KCNN2: variants seen among roughly 807,000 people sequenced by gnomAD.
The protein encoded by KCNN2 is small conductance calcium-activated potassium channel protein 2.
A neutral mutation model predicts 55.5 loss-of-function variants in KCNN2; 24 were observed. The ratio of observed to expected loss-of-function variants is 0.43; its 90% CI spans 0.31 to 0.61. KCNN2 has a LOEUF of 0.61. Among genes scored for constraint, KCNN2 ranks in the 20% least tolerant of loss-of-function variants. KCNN2 has a pLI of 0.08. For missense variants in KCNN2, 754 were observed against 853.6 expected (o/e 0.88, Z 1.45); for synonymous variants, 431 against 336.1 (o/e 1.28, Z -3.09).
intron 1 of KCNN2, among the ~76,000 whole-genome samples, chr5:114,140,250 A>G (rs1229322936): frequency 6.6e-6 from 1 of 152,150 alleles, no homozygotes; most frequent in South Asian, 2.1e-4. Context: ...TATCTTTGAG[A>G]TTTTGCTGAC....
intron 2 of KCNN2, among the ~76,000 whole-genome samples, chr5:114,300,998 G>A (rs1756143491): frequency 1.3e-5 from 2 of 151,758 alleles, no homozygotes; most frequent in South Asian, 2.1e-4. Context: ...ATTATTTTTA[G>A]TAATAACTTT....
chr5:114,190,695 T>C (rs1376033798), intron 1 of KCNN2, among the ~76,000 whole-genome samples: 1 of 152,202 alleles, frequency 6.6e-6, no homozygotes, highest in Non-Finnish European at 1.5e-5. Flanking sequence ...TTAATGTTTG[T>C]GAATTCTGGA....
Position 114,294,062 on chromosome 5 carries a change from G to A in KCNN2, c.-184-66883G>A, listed in dbSNP as rs904358417. On this transcript the variant is annotated intron_variant, in intron 2 of 10. Transcript: ENST00000512097. ...TATCCCCTTTATCATTTTTCATTGCGTCTATTTGATTCTTCTCTCTTTTTT... is the reference window on the plus strand; with the variant it reads ...TATCCCCTTTATCATTTTTCATTGCATCTATTTGATTCTTCTCTCTTTTTT... Among the ~76,000 whole-genome samples the A allele has an allele frequency of 5.3e-5, 8 of 151,910 alleles. No homozygotes were observed. In the East Asian group the frequency reaches 7.7e-4, roughly 15 times the overall value.
chr5:114,298,685 G>A (rs965494208), intron 2 of KCNN2, among the ~76,000 whole-genome samples: 5 of 152,130 alleles, frequency 3.3e-5, no homozygotes, highest in African/African-American at 9.7e-5. Flanking sequence ...TTGCTTTGGG[G>A]TAGTAAAACC....
intron 1 of KCNN2, among the ~76,000 whole-genome samples, chr5:114,117,219 C>A (rs141440202): frequency 6.6e-6 from 1 of 152,136 alleles, no homozygotes; most frequent in Non-Finnish European, 1.5e-5. Flanking sequence ...AGTTTTCTAA[C>A]CTGGCCACTT....
rs569365642 is a variant in KCNN2 at position 114,330,151 on chromosome 5, G to A, written c.-184-30794G>A. 4.6e-5 allele frequency among the ~76,000 whole-genome samples: 7 copies of A among 152,286 alleles called. 1 individual carries two copies. The South Asian group carries it at 1.5e-3, about 32-fold the overall frequency. On this transcript the variant is annotated intron_variant, in intron 2 of 10. Transcript: ENST00000512097. Reference sequence around the variant, plus strand: ...AACCTTGACCTTTTTCTAGTTGCCTGAAATGGAGGTGAGTTCCAGTATAAG... The same window carrying A: ...AACCTTGACCTTTTTCTAGTTGCCTAAAATGGAGGTGAGTTCCAGTATAAG...
chr5:114,380,848 C>G (rs1021268642), intron 2 of KCNN2, among the ~76,000 whole-genome samples: 1 of 152,108 alleles, frequency 6.6e-6, no homozygotes, highest in African/African-American at 2.4e-5. Flanking sequence ...ATTACAGTAG[C>G]ACTTATCAGA....
intron 1 of KCNN2, among the ~76,000 whole-genome samples, chr5:114,146,029 A>G (rs1752392108): frequency 6.6e-6 from 1 of 152,184 alleles, no homozygotes; most frequent in Non-Finnish European, 1.5e-5. Context: ...GGTGTCTAGC[A>G]GGAATGCAAA....
chr5:114,430,828 C>T (rs566323837), intron 3 of KCNN2, among the ~76,000 whole-genome samples: 1 of 152,052 alleles, frequency 6.6e-6, no homozygotes, highest in Admixed American at 6.5e-5. Flanking sequence ...TTGTCAAGTG[C>T]CTTTTCTGCA....
At chr5:114,151,948 G>C (rs945683935) in intron 1 of KCNN2, among the ~76,000 whole-genome samples, 1 of 152,138 alleles carries the variant, frequency 6.6e-6, no homozygotes, top group Admixed American at 6.6e-5. Context: ...AAATTAAACT[G>C]TTCCTGTTCT....
At chr5:114,289,103 C>G (rs2150016661) in intron 2 of KCNN2, among the ~76,000 whole-genome samples, 1 of 152,194 alleles carries the variant, frequency 6.6e-6, no homozygotes, top group African/African-American at 2.4e-5. Flanking sequence ...GAAGATTAAT[C>G]TTTTCCCCCA....
At chr5:114,226,699 GA>G (rs1156866652) in intron 2 of KCNN2, among the ~76,000 whole-genome samples, 1 of 151,820 alleles carries the variant, frequency 6.6e-6, no homozygotes, top group Non-Finnish European at 1.5e-5. Flanking sequence ...TCAGGAGATC[GA>G]GACCATCCTG....
At chr5:114,450,991 A>C (rs1760649320) in intron 3 of KCNN2, among the ~76,000 whole-genome samples, 1 of 152,214 alleles carries the variant, frequency 6.6e-6, no homozygotes, top group Non-Finnish European at 1.5e-5. Context: ...TTTTCTAATA[A>C]TATATAAATT....
intron 2 of KCNN2, among the ~76,000 whole-genome samples, chr5:114,287,092 C>T (rs886572591): frequency 6.6e-6 from 1 of 152,108 alleles, no homozygotes; most frequent in African/African-American, 2.4e-5. Flanking sequence ...GCAGAAGACG[C>T]CCATGGACAG....
chr5:114,058,822 G>A (rs138024132), intron 1 of KCNN2, among the ~76,000 whole-genome samples: 7 of 152,306 alleles, frequency 4.6e-5, no homozygotes, highest in Non-Finnish European at 7.3e-5. Flanking sequence ...GTGGAGCTGC[G>A]TGGAGACTGG....
At chr5:114,319,585 A>T (rs1402058357) in intron 2 of KCNN2, among the ~76,000 whole-genome samples, 1 of 152,212 alleles carries the variant, frequency 6.6e-6, no homozygotes, top group East Asian at 1.9e-4. Context: ...ATTGTTTTAT[A>T]TGTAAATCTC....
chr5:114,289,507 T>G (rs918998777), intron 2 of KCNN2, among the ~76,000 whole-genome samples: 2 of 151,726 alleles, frequency 1.3e-5, no homozygotes, highest in African/African-American at 4.8e-5. Flanking sequence ...CTCCCAAGTA[T>G]CTGGGATTAC....
At chr5:114,141,700 C>T (rs915757901) in intron 1 of KCNN2, among the ~76,000 whole-genome samples, 13 of 152,116 alleles carry the variant, frequency 8.5e-5, no homozygotes, top group East Asian at 1.9e-4. Context: ...CCTGAGGATT[C>T]GCCACACTGT....
At chr5:114,163,702 G>T (rs1281553133) in intron 1 of KCNN2, among the ~76,000 whole-genome samples, 1 of 152,070 alleles carries the variant, frequency 6.6e-6, no homozygotes, top group Non-Finnish European at 1.5e-5. Context: ...TGCATCTCCT[G>T]GTAATATGGG....
Sources: allele counts gnomAD v4.1 joint callset (sites outside exome capture counted in the v4.1 genomes callset), GRCh38; gene constraint gnomAD v4.1.1; transcripts MANE v1.5; gene names NCBI Gene and HGNC (gene_info 2026-07-23, HGNC 2026-07-21).